NEGR1: variants seen among roughly 807,000 people sequenced by gnomAD.
The protein encoded by NEGR1 is IgLON family member 4.
Under a neutral mutation model 40.9 loss-of-function variants are expected in NEGR1, and 10 were observed. The ratio of observed to expected loss-of-function variants is 0.24; its 90% confidence interval spans 0.15 to 0.42. The LOEUF is 0.42. Among genes scored for constraint, NEGR1 ranks in the 10% least tolerant of loss-of-function variants. The pLI is 1.00. For missense variants in NEGR1, 352 were observed against 438.9 expected (o/e 0.80, Z 1.77); for synonymous variants, 185 against 166.8 (o/e 1.11, Z -0.84).
intron 1 of NEGR1, among the ~76,000 whole-genome samples, chr1:72,030,041 A>AG (rs397698823): frequency 6.6e-6 from 1 of 151,418 alleles, no homozygotes; most frequent in African/African-American, 2.4e-5. Flanking sequence ...GAAAAAAAAA[A>AG]TCTTACAGCT....
At chr1:72,166,233 A>T (rs1412706996) in intron 1 of NEGR1, among the ~76,000 whole-genome samples, 1 of 152,052 alleles carries the variant, frequency 6.6e-6, no homozygotes, top group Admixed American at 6.6e-5. Context: ...GGTTAAAAAA[A>T]ATATCGCCTC....
intron 3 of NEGR1, among the ~76,000 whole-genome samples, chr1:71,700,256 T>C (rs958927701): frequency 2.0e-5 from 3 of 151,978 alleles, no homozygotes; most frequent in Non-Finnish European, 4.4e-5. Context: ...TAGAATAAGA[T>C]TATGATAGTT....
chr1:72,047,836 A>C (rs569813822), intron 1 of NEGR1, among the ~76,000 whole-genome samples: 86 of 151,618 alleles, frequency 5.7e-4, no homozygotes, highest in Non-Finnish European at 1.1e-3. Context: ...TTTAATTTTT[A>C]CTACACATTG....
chr1:72,024,811 A>G (rs1646792711), intron 1 of NEGR1, among the ~76,000 whole-genome samples: 1 of 152,178 alleles, frequency 6.6e-6, no homozygotes, highest in African/African-American at 2.4e-5. Context: ...CCTAAACCTG[A>G]CGATTACAAA....
At chr1:72,180,911 T>C (rs577217718) in intron 1 of NEGR1, among the ~76,000 whole-genome samples, 1 of 152,230 alleles carries the variant, frequency 6.6e-6, no homozygotes, top group African/African-American at 2.4e-5. Context: ...GATTTTTTTT[T>C]CTATAGCTTC....
chr1:72,153,434 G>C (rs1020259717), intron 1 of NEGR1, among the ~76,000 whole-genome samples: 1 of 151,680 alleles, frequency 6.6e-6, no homozygotes. Flanking sequence ...TAAATACAAA[G>C]ACCCAAGTTA....
intron 2 of NEGR1, among the ~76,000 whole-genome samples, chr1:71,780,054 A>G (rs1447363322): frequency 6.8e-6 from 1 of 147,060 alleles, no homozygotes; most frequent in African/African-American, 2.5e-5. Context: ...AAAAAAAAAA[A>G]AAAAAAAAAA....
intron 1 of NEGR1, among the ~76,000 whole-genome samples, chr1:72,113,426 G>A (rs912687397): frequency 3.5e-5 from 5 of 141,828 alleles, no homozygotes; most frequent in Non-Finnish European, 6.4e-5. Context: ...AAGTGAGTAA[G>A]CTTTTATACA....
intron 4 of NEGR1, among the ~76,000 whole-genome samples, chr1:71,673,610 C>T (rs1570181980): frequency 6.6e-6 from 1 of 151,778 alleles, no homozygotes; most frequent in Admixed American, 6.6e-5. Context: ...ATATTTTTTC[C>T]CTTAAATATT....
At chr1:72,034,722 T>C (rs115540784) in intron 1 of NEGR1, among the ~76,000 whole-genome samples, 1,758 of 152,284 alleles carry the variant, frequency 0.012, 33 homozygotes, top group African/African-American at 0.04. Context: ...GAGTAGGTGA[T>C]GATAGTTTAC....
intron 1 of NEGR1, among the ~76,000 whole-genome samples, chr1:72,185,552 C>T (rs1652582642): frequency 6.6e-6 from 1 of 151,826 alleles, no homozygotes; most frequent in Admixed American, 6.6e-5. Context: ...AAAAAAGCTA[C>T]ACAAATGGAA....
At chr1:72,070,097 A>C (rs1229137565) in intron 1 of NEGR1, among the ~76,000 whole-genome samples, 1 of 152,048 alleles carries the variant, frequency 6.6e-6, no homozygotes, top group Non-Finnish European at 1.5e-5. Context: ...TTTTTTAAAA[A>C]ATTAATACCA....
chr1:71,739,665 C>T (rs1224055750), intron 3 of NEGR1, among the ~76,000 whole-genome samples: 1 of 152,028 alleles, frequency 6.6e-6, no homozygotes, highest in Non-Finnish European at 1.5e-5. Context: ...TTTCATGGCC[C>T]TCACAAAATC....
intron 3 of NEGR1, among the ~76,000 whole-genome samples, chr1:71,758,036 A>G (rs1007997360): frequency 5.9e-5 from 9 of 151,932 alleles, no homozygotes; most frequent in African/African-American, 1.9e-4. Flanking sequence ...TGCTGCTATT[A>G]TTATCATCTT....
chr1:71,659,875 T>C (rs1557603154), intron 4 of NEGR1, among the ~76,000 whole-genome samples: 2 of 152,150 alleles, frequency 1.3e-5, no homozygotes, highest in African/African-American at 4.8e-5. Flanking sequence ...ACACTCTTTG[T>C]GGGAGTGTAA....
chr1:71,588,284 T>A (rs941900355), intron 6 of NEGR1, among the ~76,000 whole-genome samples: 2 of 152,194 alleles, frequency 1.3e-5, no homozygotes, highest in African/African-American at 4.8e-5. Flanking sequence ...TATCTTTGAA[T>A]CCCCAATTTT....
chr1:71,658,294 TG>T (rs541336556), intron 4 of NEGR1, among the ~76,000 whole-genome samples: 352 of 152,368 alleles, frequency 2.3e-3, no homozygotes, highest in Non-Finnish European at 3.6e-3. Flanking sequence ...GAAAAATTGA[TG>T]TATGATTATA....
intron 3 of NEGR1, among the ~76,000 whole-genome samples, chr1:71,751,353 C>T (rs1288214715): frequency 3.3e-5 from 5 of 152,126 alleles, no homozygotes; most frequent in African/African-American, 1.2e-4. Flanking sequence ...AATTTGAGCA[C>T]TTCAAGAAAA....
chr1:72,177,205 C>A (rs796200540), intron 1 of NEGR1, among the ~76,000 whole-genome samples: 5 of 152,026 alleles, frequency 3.3e-5, no homozygotes, highest in African/African-American at 1.2e-4. Flanking sequence ...GAAACTGAGG[C>A]AAGAAGAAGG....
Sources: gnomAD v4.1 joint callset for allele counts (sites outside exome capture counted in the v4.1 genomes callset) on GRCh38, gnomAD v4.1.1 for gene constraint, MANE v1.5 for transcripts, NCBI Gene and HGNC (gene_info 2026-07-23, HGNC 2026-07-21) for gene names.